The following CIB3 variants were observed in gnomAD, a reference collection of about 807,000 sequenced individuals.
CIB3 encodes the protein calcium and integrin-binding family member 3.
A neutral mutation model predicts 23.4 loss-of-function variants in CIB3; 22 were observed. The observed-to-expected ratio is 0.94, with a 90% CI of 0.67 to 1.34. The LOEUF (loss-of-function observed/expected upper bound fraction) is 1.34. CIB3 is among the 40% of genes most tolerant of loss of function. The probability of loss-of-function intolerance (pLI) is 0.00; values close to 1 mark genes in which losing one functional copy is unlikely to be tolerated. For missense variants in CIB3, 258 were observed against 247.3 expected (o/e 1.04, Z -0.29); for synonymous variants, 93 against 95.8 (o/e 0.97, Z 0.17).
Position 16,169,702 on chromosome 19 carries a change from C to T in CIB3, c.126G>A (p.Val42=), listed in dbSNP as rs778046766. The T allele has an allele frequency of 5.0e-6, 8 of 1,612,974 alleles. No homozygotes were observed. Among genetic ancestry groups the T allele is most frequent in the Non-Finnish European group, 6.8e-6 (8 of 1,179,426 alleles). ...YRYQDLAPQL[V]PLDYTTCPDV... is the part of the protein sequence containing the mutation. ...CGGGGCAGGTGGTATAGTCGAGGGGCACGAGCTGTGGGGCCAGGTCCTGGT... is the reference window on the plus strand; with the variant it reads ...CGGGGCAGGTGGTATAGTCGAGGGGTACGAGCTGTGGGGCCAGGTCCTGGT... Residue 42 remains valine, a synonymous_variant, in exon 3 of 6, where the codon GTG becomes GTA. Coordinates refer to ENST00000269878, the MANE Select transcript of CIB3 (RefSeq NM_054113.4).
chr19:16,165,059 TGAG>T (rs2091300540), intron 4 of CIB3, 146 bp from the exon 5 acceptor site: 2 of 672,558 alleles, frequency 3.0e-6, no homozygotes, highest in South Asian at 1.8e-5. Flanking sequence ...TTTGGGAGGC[TGAG>T]GAGGGTGGAA....
At position 16,164,750 on chromosome 19, in the gene CIB3, C is replaced by G. The variant is rs2091298264; in HGVS notation, c.510G>C (p.Gln170His). 6.2e-7 allele frequency: 1 copy of G among 1,613,952 alleles called. No individual in the cohort carries two copies. The highest frequency in any genetic ancestry group is 1.3e-5 in the African/African-American group (1 of 74,898). ...AGTCTGGTGCCCGGAGGATCATGTT[C>G]TGGAAATCTTCCAGGGACAGCCGCC... is the stretch of plus-strand genomic sequence containing the variant. ...HDGRLSLEDF[Q>H]NMILRAPDFL... is the part of the protein sequence containing the mutation. The change falls in exon 5 of 6, where the codon CAG (glutamine) becomes CAC (histidine). Residue 170 changes from glutamine to histidine, a missense_variant. Transcript: ENST00000269878.
At chr19:16,167,126 CAGG>C (rs893999901) in intron 4 of CIB3, among the ~76,000 whole-genome samples, 5 of 152,076 alleles carry the variant, frequency 3.3e-5, no homozygotes, top group Admixed American at 6.6e-5. Flanking sequence ...CAGGCTGAGG[CAGG>C]AGAACTGCTT....
At chr19:16,169,262 G>A (rs1238028044) in intron 3 of CIB3, among the ~76,000 whole-genome samples, 1 of 152,156 alleles carries the variant, frequency 6.6e-6, no homozygotes, top group East Asian at 1.9e-4. Flanking sequence ...TCCTGCCTCA[G>A]TCTCCCTAGT....
intron 2 of CIB3, 34 bp downstream of exon 2, chr19:16,173,128 T>C (rs1347513373): frequency 1.2e-6 from 2 of 1,613,480 alleles, no homozygotes; most frequent in Non-Finnish European, 1.7e-6. Context: ...AAGTTGTTTT[T>C]CCAGATCTTC....
At chr19:16,172,031 C>T (rs2091330364) in intron 2 of CIB3, among the ~76,000 whole-genome samples, 1 of 152,226 alleles carries the variant, frequency 6.6e-6, no homozygotes, top group African/African-American at 2.4e-5. Flanking sequence ...CGCCAGGGAC[C>T]TGCAGCAGCC....
chr19:16,163,388 C>A (rs956663537), intron 5 of CIB3, among the ~76,000 whole-genome samples: 21 of 152,036 alleles, frequency 1.4e-4, no homozygotes, highest in African/African-American at 4.8e-4. Context: ...AACCCTGTCT[C>A]TACTAAAAAT....
At chr19:16,163,147 A>G (rs914966052) in intron 5 of CIB3, among the ~76,000 whole-genome samples, 1 of 152,070 alleles carries the variant, frequency 6.6e-6, no homozygotes, top group East Asian at 1.9e-4. Context: ...CCGTAGTCCC[A>G]GCTACTTAGG....
At chr19:16,170,484 C>T (rs961599158) in intron 2 of CIB3, among the ~76,000 whole-genome samples, 1 of 152,170 alleles carries the variant, frequency 6.6e-6, no homozygotes, top group African/African-American at 2.4e-5. Context: ...ACCCTGCCTC[C>T]AAAGATACCT....
chr19:16,169,348 TGGCCA>T (rs2091318401), intron 3 of CIB3, among the ~76,000 whole-genome samples: 2 of 152,248 alleles, frequency 1.3e-5, no homozygotes, highest in South Asian at 4.1e-4. Context: ...TTCACCATGT[TGGCCA>T]GGCTGGTCTC....
intron 4 of CIB3, 47 bp downstream of exon 4, chr19:16,168,089 CT>C: frequency 1.3e-6 from 2 of 1,541,716 alleles, no homozygotes; most frequent in Non-Finnish European, 1.8e-6. Flanking sequence ...CCAGTTCCCA[CT>C]CCCCACCCCA....
chr19:16,172,970 G>T (rs963597821), intron 2 of CIB3, among the ~76,000 whole-genome samples, 192 bp downstream of exon 2: 1 of 30,550 alleles, frequency 3.3e-5, no homozygotes, highest in African/African-American at 5.3e-5. Flanking sequence ...AGAAAAGAAG[G>T]AAGGAAGGAA....
intron 3 of CIB3, 26 bp from the exon 4 acceptor site, chr19:16,168,310 G>A (rs1599436330): frequency 1.2e-6 from 2 of 1,612,298 alleles, no homozygotes; most frequent in African/African-American, 1.3e-5. Flanking sequence ...AAGCTGGGAG[G>A]CCATCCTCTG....
intron 5 of CIB3, among the ~76,000 whole-genome samples, chr19:16,162,710 G>A (rs539986149): frequency 1.1e-3 from 170 of 152,004 alleles, no homozygotes; most frequent in African/African-American, 3.9e-3. Context: ...AGCCGAGATC[G>A]TGCCACTGCA....
intron 4 of CIB3, among the ~76,000 whole-genome samples, chr19:16,166,409 C>T (rs1438708418): frequency 1.3e-5 from 2 of 151,852 alleles, no homozygotes; most frequent in Admixed American, 6.6e-5. Flanking sequence ...GTATCAAGCA[C>T]CATGATATCT....
chr19:16,172,513 C>T (rs2091332995), intron 2 of CIB3, among the ~76,000 whole-genome samples: 2 of 152,174 alleles, frequency 1.3e-5, no homozygotes, highest in South Asian at 4.1e-4. Flanking sequence ...TGCTCCATAG[C>T]TCCCTGCCAC....
At chr19:16,171,242 CTA>C in intron 2 of CIB3, among the ~76,000 whole-genome samples, 2 of 152,018 alleles carry the variant, frequency 1.3e-5, no homozygotes, top group Middle Eastern at 3.4e-3. Context: ...AGACAAACAG[CTA>C]ATAGTCACAT....
At chr19:16,166,152 C>T (rs112470437) in intron 4 of CIB3, among the ~76,000 whole-genome samples, 16 of 151,958 alleles carry the variant, frequency 1.1e-4, no homozygotes, top group Middle Eastern at 3.2e-3. Flanking sequence ...ATTAGCGGGG[C>T]GTGGTGCGGG....
intron 5 of CIB3, among the ~76,000 whole-genome samples, chr19:16,163,593 C>T (rs1176612061): frequency 6.6e-6 from 1 of 152,016 alleles, no homozygotes; most frequent in African/African-American, 2.4e-5. Context: ...TCACTGTGTA[C>T]CCCATGAATA....
Sources: allele counts gnomAD v4.1 joint callset (sites outside exome capture counted in the v4.1 genomes callset), GRCh38; gene constraint gnomAD v4.1.1; transcripts MANE v1.5; gene names NCBI Gene and HGNC (gene_info 2026-07-23, HGNC 2026-07-21).